The following C19orf18 variants were observed in gnomAD, a reference collection of about 807,000 sequenced individuals.
C19orf18 encodes chromosome 19 open reading frame 18.
A neutral mutation model predicts 23.3 loss-of-function variants in C19orf18; 21 were observed. The ratio of observed to expected loss-of-function variants is 0.90; its 90% CI spans 0.64 to 1.30. The LOEUF is 1.30. C19orf18 is among the 50% of genes most tolerant of loss of function. The pLI, the probability that C19orf18 is intolerant of heterozygous loss-of-function variation, is 0.00. For missense variants in C19orf18, 249 were observed against 259.6 expected, an observed-to-expected ratio of 0.96 and a Z score of 0.28; for synonymous variants, 96 against 95.2, an observed-to-expected ratio of 1.01 and a Z score of -0.05.
In C19orf18 at chr19:57,961,546, A is replaced by G. The variant is rs778504108; in HGVS notation, c.377T>C (p.Leu126Pro). Residue 126 changes from leucine (L) to proline (P), a missense_variant, in exon 5 of 6, where the codon CTG (leucine) becomes CCG (proline). By Grantham distance (98) the Leu-to-Pro change is moderately conservative. Coordinates refer to ENST00000314391, the MANE Select transcript of C19orf18 (RefSeq NM_152474.5). ...GMAISYMIYR[L>P]AQAEERQQLE... ...CTGTTGTCTTTCCTCAGCCTGTGCC[A>G]GTCGACTGGAGAATGATATAAATGA... The G allele has an allele frequency of 1.1e-5, 17 of 1,609,706 alleles. No individual in the cohort carries two copies. Among genetic ancestry groups the G allele is most frequent in the Non-Finnish European group, 1.4e-5 (17 of 1,178,920 alleles).
chr19:57,963,958 C>A (rs925004966), intron 4 of C19orf18, among the ~76,000 whole-genome samples: 4 of 152,112 alleles, frequency 2.6e-5, no homozygotes, highest in African/African-American at 7.2e-5. Context: ...ATTTTACTTT[C>A]CTGGTTTAAA....
chr19:57,961,421 C>G lies in C19orf18; in HGVS notation c.502G>C (p.Glu168Gln). Residue 168 changes from glutamate (E) to glutamine (Q), a missense_variant, in exon 5 of 6, where the codon GAA becomes CAA. Glu to Gln is a conservative substitution (Grantham distance 29). Transcript: ENST00000314391. Reference sequence around the variant, plus strand: ...TGGATGAACTTTTCCAGCTCATTTTCGTTCTCTGGAAGTAGGTGCGTGGAC... The same window carrying G: ...TGGATGAACTTTTCCAGCTCATTTTGGTTCTCTGGAAGTAGGTGCGTGGAC... ...GESTHLLPEN[E>Q]NELEKFIHSV... 4 of 1,613,824 alleles carry G rather than the reference C, an allele frequency of 2.5e-6. No homozygotes were observed. Among genetic ancestry groups the G allele is most frequent in the Non-Finnish European group, 2.5e-6 (3 of 1,179,948 alleles).
At chr19:57,961,291 G>A in intron 5 of C19orf18, 100 bp downstream of exon 5, 1 of 1,222,788 alleles carries the variant, frequency 8.2e-7, no homozygotes, top group South Asian at 1.6e-5. Flanking sequence ...AAGAAAGAAA[G>A]AAAAGAAATG....
At chr19:57,972,671 A>G (rs1600209095) in intron 2 of C19orf18, among the ~76,000 whole-genome samples, 167 bp from the exon 3 acceptor site, 1 of 152,166 alleles carries the variant, frequency 6.6e-6, no homozygotes, top group African/African-American at 2.4e-5. Context: ...CCTGGCAGCA[A>G]TGTGTGGGTT....
At chr19:57,963,019 A>G (rs2072883937) in intron 4 of C19orf18, among the ~76,000 whole-genome samples, 1 of 145,494 alleles carries the variant, frequency 6.9e-6, no homozygotes, top group East Asian at 2.0e-4. Flanking sequence ...TGAGTATTTT[A>G]ACTCAATTTT....
chr19:57,960,956 G>A (rs1005830351), intron 5 of C19orf18, among the ~76,000 whole-genome samples: 2 of 152,180 alleles, frequency 1.3e-5, no homozygotes, highest in African/African-American at 4.8e-5. Flanking sequence ...GAGGCGGGCG[G>A]ATCACGAGGT....
chr19:57,962,387 A>C (rs557882734), intron 4 of C19orf18, among the ~76,000 whole-genome samples: 127 of 152,196 alleles, frequency 8.3e-4, no homozygotes, highest in Admixed American at 3.0e-3. Flanking sequence ...AATGTCAAGA[A>C]ATCCGTGATG....
At chr19:57,966,339 T>C (rs945993290) in intron 4 of C19orf18, among the ~76,000 whole-genome samples, 191 bp downstream of exon 4, 3 of 152,220 alleles carry the variant, frequency 2.0e-5, no homozygotes, top group Non-Finnish European at 4.4e-5. Context: ...TTCTTTCTTT[T>C]TTTTTCATGT....
At chr19:57,961,949 C>A (rs1371320426) in intron 4 of C19orf18, among the ~76,000 whole-genome samples, 1 of 146,162 alleles carries the variant, frequency 6.8e-6, no homozygotes, top group Non-Finnish European at 1.5e-5. Flanking sequence ...CCCTTCTTTT[C>A]TTTCCTTTTT....
intron 4 of C19orf18, among the ~76,000 whole-genome samples, chr19:57,965,772 A>C (rs1270222407): frequency 1.3e-5 from 2 of 152,040 alleles, no homozygotes; most frequent in Admixed American, 1.3e-4. Flanking sequence ...AAAAGTAGAA[A>C]AAATAAAATA....
At chr19:57,970,344 A>G (rs2072936374) in intron 3 of C19orf18, among the ~76,000 whole-genome samples, 1 of 152,170 alleles carries the variant, frequency 6.6e-6, no homozygotes, top group Non-Finnish European at 1.5e-5. Flanking sequence ...CTCGTCTCAT[A>G]TGGAAAATGT....
chr19:57,973,355 G>A (rs965594864), intron 2 of C19orf18, among the ~76,000 whole-genome samples: 4 of 151,688 alleles, frequency 2.6e-5, no homozygotes, highest in Non-Finnish European at 4.4e-5. Flanking sequence ...AAAGATTGTC[G>A]GGGTTGGTTT....
intron 4 of C19orf18, among the ~76,000 whole-genome samples, chr19:57,963,879 G>A (rs549334691): frequency 5.1e-4 from 77 of 152,182 alleles, no homozygotes; most frequent in Non-Finnish European, 9.1e-4. Flanking sequence ...AACAGAGCAA[G>A]ACTCCGTCTC....
chr19:57,958,927 C>T (rs1166365130), intron 5 of C19orf18, among the ~76,000 whole-genome samples: 2 of 151,966 alleles, frequency 1.3e-5, no homozygotes, highest in African/African-American at 4.8e-5. Context: ...TGTATAAATG[C>T]CCAGTAAAAG....
intron 3 of C19orf18, among the ~76,000 whole-genome samples, chr19:57,969,851 G>A (rs888022905): frequency 2.3e-5 from 3 of 128,096 alleles, no homozygotes; most frequent in Non-Finnish European, 4.8e-5. Context: ...CAGGCTGGGC[G>A]ACAAGATACA....
chr19:57,963,089 C>T (rs552940501), intron 4 of C19orf18, among the ~76,000 whole-genome samples: 33 of 149,482 alleles, frequency 2.2e-4, no homozygotes, highest in African/African-American at 5.9e-4. Context: ...TGCAATGGCG[C>T]GATCTTGGCT....
intron 3 of C19orf18, among the ~76,000 whole-genome samples, chr19:57,966,946 T>C (rs1228745174): frequency 6.6e-6 from 1 of 152,094 alleles, no homozygotes; most frequent in African/African-American, 2.4e-5. Flanking sequence ...AATTTTTTTG[T>C]GTTTTTGTAG....
At chr19:57,964,784 G>A (rs1026129551) in intron 4 of C19orf18, among the ~76,000 whole-genome samples, 5 of 152,030 alleles carry the variant, frequency 3.3e-5, no homozygotes, top group Non-Finnish European at 5.9e-5. Context: ...TTAATTCAAC[G>A]AAGCAAGCAA....
intron 3 of C19orf18, among the ~76,000 whole-genome samples, chr19:57,968,005 C>T: frequency 6.9e-6 from 1 of 145,254 alleles, no homozygotes; most frequent in East Asian, 2.0e-4. Flanking sequence ...GAGCGAGACC[C>T]TGTCTCAAAA....
Sources: gnomAD v4.1 joint callset for allele counts (sites outside exome capture counted in the v4.1 genomes callset) on GRCh38, gnomAD v4.1.1 for gene constraint, MANE v1.5 for transcripts, NCBI Gene and HGNC (gene_info 2026-07-23, HGNC 2026-07-21) for gene names.